CEP120: variants seen among roughly 807,000 people sequenced by gnomAD.
CEP120 encodes the protein centrosomal protein of 120 kDa.
In CEP120, 113 loss-of-function variants were observed where a neutral mutation model predicts 126.5. The ratio of observed to expected loss-of-function variants is 0.89; its 90% CI spans 0.77 to 1.04. CEP120 has a LOEUF of 1.04. CEP120 is among the 50% of genes least tolerant of loss of function. CEP120 has a pLI of 0.00. For synonymous variants in CEP120, 400 were observed against 394.3 expected (o/e 1.01, Z -0.17); for missense variants, 1,230 against 1,155.7 (o/e 1.06, Z -0.93).
chr5:123,378,000 G>A (rs1771356760), intron 15 of CEP120, among the ~76,000 whole-genome samples: 1 of 152,026 alleles, frequency 6.6e-6, no homozygotes, highest in African/African-American at 2.4e-5. Flanking sequence ...TTGAATAGCA[G>A]TTTTCTGCAT....
Position 123,423,007 on chromosome 5 carries a change from T to C in CEP120, c.-9A>G. 3.7e-6 allele frequency: 6 copies of C among 1,613,872 alleles called. No individual in the cohort carries two copies. Among genetic ancestry groups the C allele is most frequent in the Non-Finnish European group, 4.2e-6 (5 of 1,179,882 alleles). Reference sequence around the variant, plus strand: ...TCGGATTTGGAGACCATGGTTGCGGTGAGCGGTCCGGGGGCGAAGGCGGCT... The same window carrying C: ...TCGGATTTGGAGACCATGGTTGCGGCGAGCGGTCCGGGGGCGAAGGCGGCT... On this transcript the variant is annotated 5_prime_UTR_variant, in exon 1 of 20. Coordinates refer to ENST00000306467, the MANE Select transcript of CEP120 (RefSeq NM_001375405.1).
intron 4 of CEP120, chr5:123,402,128 C>A (rs1230844142): frequency 1.1e-5 from 17 of 1,582,872 alleles, no homozygotes; most frequent in African/African-American, 4.0e-5. Context: ...GGGGGCTCAG[C>A]AGGCTCTGGT....
intron 1 of CEP120, among the ~76,000 whole-genome samples, chr5:123,419,572 T>C (rs991671503): frequency 6.2e-5 from 9 of 145,244 alleles, no homozygotes; most frequent in Admixed American, 3.4e-4. Flanking sequence ...AAAAACAGAA[T>C]ACTTTCCAAA....
chr5:123,386,676 T>TAAAAAA lies in CEP120; in HGVS notation c.1431-15_1431-10dup, dbSNP rs75744800. On this transcript the variant is annotated splice_polypyrimidine_tract_variant and intron_variant, in intron 9 of 19. Coordinates refer to ENST00000306467, the MANE Select transcript of CEP120 (RefSeq NM_001375405.1). ...AGAATGGATATGAGTACCTAGAATTTAAAAAAAAAAAAAAAAAAAAAAGCC... is the reference window on the plus strand; with the variant it reads ...AGAATGGATATGAGTACCTAGAATTTAAAAAAAAAAAAAAAAAAAAAAAAAAAAGCC... 10 of 611,036 alleles carry TAAAAAA rather than the reference T, an allele frequency of 1.6e-5. No homozygotes were observed. Among genetic ancestry groups the TAAAAAA allele is most frequent in the Admixed American group, 6.4e-5 (1 of 15,672 alleles). The allele number at this position is 611,036 out of a possible 1,614,324, so 37.9% of individuals were successfully genotyped here. A position where few individuals can be genotyped will look rare whatever the true frequency, so the allele number is the denominator to read the frequency against.
chr5:123,378,408 T>C lies in CEP120; in HGVS notation c.2124A>G (p.Leu708=). The C allele has an allele frequency of 6.3e-7, 1 of 1,592,170 alleles. No homozygotes were observed. The highest frequency in any genetic ancestry group is 8.5e-7 in the Non-Finnish European group (1 of 1,170,654). ...TTAGAGTTTTTTGAAGTTTTCCTTCTAGAATAGTATATTCAGCCACCTAAA... is the reference window on the plus strand; with the variant it reads ...TTAGAGTTTTTTGAAGTTTTCCTTCCAGAATAGTATATTCAGCCACCTAAA... ...VKKKVAEYTI[L]EGKLQKTLID... The change falls in exon 15 of 20, where the codon CTA becomes CTG. Residue 708 remains leucine (L), a synonymous_variant. Transcript: ENST00000306467.
chr5:123,347,822 T>C (rs1768943650), intron 19 of CEP120, among the ~76,000 whole-genome samples: 1 of 152,026 alleles, frequency 6.6e-6, no homozygotes, highest in Non-Finnish European at 1.5e-5. Flanking sequence ...ATTTTGTATA[T>C]ATATATTGTT....
intron 18 of CEP120, among the ~76,000 whole-genome samples, chr5:123,358,639 A>C (rs924009116): frequency 1.3e-5 from 2 of 152,100 alleles, no homozygotes; most frequent in African/African-American, 2.4e-5. Flanking sequence ...CTAAAACGTA[A>C]GAAAATCCTT....
intron 6 of CEP120, 146 bp downstream of exon 6, chr5:123,393,154 T>TA: frequency 1.4e-6 from 1 of 711,380 alleles, no homozygotes; most frequent in South Asian, 1.9e-5. Context: ...GGATAGTACC[T>TA]AAAAAAATTA....
intron 4 of CEP120, chr5:123,401,267 G>T: frequency 6.2e-7 from 1 of 1,610,018 alleles, no homozygotes; most frequent in Non-Finnish European, 8.5e-7. Context: ...CCCGCTGCAG[G>T]GCGGCCTCCA....
intron 1 of CEP120, among the ~76,000 whole-genome samples, chr5:123,421,463 C>T (rs1774709173): frequency 1.3e-5 from 2 of 152,198 alleles, no homozygotes; most frequent in South Asian, 4.1e-4. Context: ...ACCTCATTTT[C>T]TGCTGCTCTA....
At chr5:123,412,949 C>A (rs1168060051) in intron 3 of CEP120, among the ~76,000 whole-genome samples, 1 of 152,076 alleles carries the variant, frequency 6.6e-6, no homozygotes, top group African/African-American at 2.4e-5. Context: ...TGCCATAGAC[C>A]TGCTTCGTTC....
At chr5:123,405,927 T>C (rs1054594456) in intron 4 of CEP120, among the ~76,000 whole-genome samples, 6 of 152,158 alleles carry the variant, frequency 3.9e-5, no homozygotes, top group Non-Finnish European at 7.4e-5. Flanking sequence ...CTATGATTAA[T>C]ATGCCTTATA....
upstream of CEP120, chr5:123,423,689 T>G (rs1774874982): frequency 6.6e-6 from 1 of 152,040 alleles, no homozygotes; most frequent in Admixed American, 6.5e-5. Flanking sequence ...TAGTGGGGAT[T>G]AAAAAAACAA....
chr5:123,404,166 C>A (rs1484080013), intron 4 of CEP120, among the ~76,000 whole-genome samples: 1 of 47,992 alleles, frequency 2.1e-5, no homozygotes, highest in Non-Finnish European at 4.5e-5. Flanking sequence ...TATTCTTCTT[C>A]ATATTTCCAA....
At chr5:123,404,801 T>C (rs956520189) in intron 4 of CEP120, among the ~76,000 whole-genome samples, 1 of 152,226 alleles carries the variant, frequency 6.6e-6, no homozygotes, top group Non-Finnish European at 1.5e-5. Context: ...GACTGAAGCA[T>C]AGTAGAATAT....
chr5:123,422,322 C>T lies in CEP120; in HGVS notation c.49+628G>A, dbSNP rs142611997. The T allele has an allele frequency of 1.5e-3, 915 of 605,846 alleles. 4 individuals are homozygous for T. Among genetic ancestry groups the T allele is most frequent in the Middle Eastern group, 0.011 (26 of 2,398 alleles). The allele number at this position is 605,846 out of a possible 1,614,324, so 37.5% of individuals were successfully genotyped here. A position where few individuals can be genotyped will look rare whatever the true frequency, so the allele number is the denominator to read the frequency against. ...GGTGGTCATTCATTAGGGTCTTCCA[C>T]ATCCTGATGAATTATTTGCTGACAC... is the stretch of plus-strand genomic sequence containing the variant. On this transcript the variant is annotated intron_variant, in intron 1 of 19. Coordinates refer to ENST00000306467, the MANE Select transcript of CEP120 (RefSeq NM_001375405.1).
chr5:123,394,875 T>C lies in CEP120; in HGVS notation c.613-1378A>G, dbSNP rs557040352. 5.7e-4 allele frequency among the ~76,000 whole-genome samples: 87 copies of C among 152,344 alleles called. 1 individual carries two copies. In the South Asian group the frequency reaches 6.8e-3, roughly 12 times the overall value. Reference sequence around the variant, plus strand: ...AACTCTAGTTCCATCAGTAACTTACTGTGAAATTTTAGAAAAATTACTTAA... The same window carrying C: ...AACTCTAGTTCCATCAGTAACTTACCGTGAAATTTTAGAAAAATTACTTAA... On this transcript the variant is annotated intron_variant, in intron 5 of 19. Coordinates refer to ENST00000306467, the MANE Select transcript of CEP120 (RefSeq NM_001375405.1).
At chr5:123,348,815 G>T (rs574458119) in intron 19 of CEP120, among the ~76,000 whole-genome samples, 4 of 152,208 alleles carry the variant, frequency 2.6e-5, no homozygotes, top group African/African-American at 9.6e-5. Context: ...TCTCATCATG[G>T]GATTAGTGCT....
chr5:123,422,412 A>G (rs2127149312), intron 1 of CEP120: 1 of 1,087,876 alleles, frequency 9.2e-7, no homozygotes, highest in South Asian at 1.3e-5. Flanking sequence ...TTCCCAGCAC[A>G]GTGTCTGACA....
Sources: allele counts gnomAD v4.1 joint callset (sites outside exome capture counted in the v4.1 genomes callset), GRCh38; gene constraint gnomAD v4.1.1; transcripts MANE v1.5; gene names NCBI Gene and HGNC (gene_info 2026-07-23, HGNC 2026-07-21).